Variants in KALRN observed in about 807,000 individuals in gnomAD.
KALRN encodes kalirin.
In KALRN, 70 loss-of-function variants were observed where a neutral mutation model predicts 353.7. That is an observed-to-expected ratio of 0.20 (90% confidence interval 0.16 to 0.24). The LOEUF (loss-of-function observed/expected upper bound fraction) is 0.24, where lower values mean the gene tolerates loss of function less well. Among genes scored for constraint, KALRN ranks in the 10% least tolerant of loss-of-function variants. The pLI, the probability that KALRN is intolerant of heterozygous loss-of-function variation, is 1.00. For missense variants in KALRN, 2,791 were observed against 3,756.7 expected (o/e 0.74, Z 6.72); for synonymous variants, 1,391 against 1,434.8 (o/e 0.97, Z 0.69).
At chr3:124,107,377 C>G (rs2149471438) in intron 1 of KALRN, among the ~76,000 whole-genome samples, 1 of 152,174 alleles carries the variant, frequency 6.6e-6, no homozygotes, top group East Asian at 1.9e-4. Flanking sequence ...AGGATGAACA[C>G]AGCCAAATGC....
intron 1 of KALRN, among the ~76,000 whole-genome samples, chr3:124,088,443 G>A (rs541073149): frequency 3.4e-4 from 51 of 152,158 alleles, no homozygotes; most frequent in Non-Finnish European, 5.3e-4. Flanking sequence ...CTCCTGAAGG[G>A]CAGGTAGAGA....
intron 3 of KALRN, among the ~76,000 whole-genome samples, chr3:124,243,118 T>C (rs1330629163): frequency 6.6e-6 from 1 of 152,198 alleles, no homozygotes; most frequent in Non-Finnish European, 1.5e-5. Flanking sequence ...TGCCTGTCTG[T>C]TTCTATATTG....
At chr3:124,709,572 C>T (rs1182437568) in intron 57 of KALRN, among the ~76,000 whole-genome samples, 1 of 152,194 alleles carries the variant, frequency 6.6e-6, no homozygotes, top group Admixed American at 6.5e-5. Context: ...GCCACTGCAC[C>T]TGACCTGAAA....
intron 34 of KALRN, among the ~76,000 whole-genome samples, chr3:124,586,159 T>A (rs749841457): frequency 2.6e-5 from 4 of 152,144 alleles, no homozygotes; most frequent in Non-Finnish European, 5.9e-5. Context: ...GAAGAAGGAA[T>A]GTGAGGGGCC....
intron 2 of KALRN, among the ~76,000 whole-genome samples, chr3:124,229,349 C>G (rs1418457116): frequency 1.3e-5 from 2 of 152,242 alleles, no homozygotes; most frequent in Admixed American, 1.3e-4. Flanking sequence ...GGGCTCCACT[C>G]TAGGCCTCCG....
intron 25 of KALRN, among the ~76,000 whole-genome samples, chr3:124,473,849 C>T (rs940289515): frequency 1.3e-5 from 2 of 152,120 alleles, no homozygotes; most frequent in African/African-American, 4.8e-5. Context: ...GTAGCATTTC[C>T]ACTTCTGTCA....
intron 36 of KALRN, among the ~76,000 whole-genome samples, chr3:124,636,346 G>T (rs1293579185): frequency 6.6e-6 from 1 of 152,166 alleles, no homozygotes; most frequent in East Asian, 1.9e-4. Context: ...GAAGAAGGAA[G>T]AAAAAGCCAA....
At chr3:124,612,408 G>T (rs2078097864) in intron 34 of KALRN, among the ~76,000 whole-genome samples, 1 of 152,314 alleles carries the variant, frequency 6.6e-6, no homozygotes, top group South Asian at 2.1e-4. Flanking sequence ...TCTCCATGTT[G>T]GTCAGGCTGG....
At chr3:124,207,675 G>A (rs76077184) in intron 1 of KALRN, among the ~76,000 whole-genome samples, 3,404 of 152,220 alleles carry the variant, frequency 0.022, 120 homozygotes, top group African/African-American at 0.077. Context: ...TGCATTATTT[G>A]CTTTCTCTGA....
At chr3:124,679,389 C>T in intron 50 of KALRN, 69 bp from the exon 51 acceptor site, 1 of 1,386,256 alleles carries the variant, frequency 7.2e-7, no homozygotes, top group Non-Finnish European at 1.0e-6. Flanking sequence ...TCTCCTCTCT[C>T]TCTAGCAAAA....
chr3:124,239,638 A>G (rs925075642), intron 3 of KALRN, among the ~76,000 whole-genome samples: 4 of 152,230 alleles, frequency 2.6e-5, no homozygotes, highest in African/African-American at 9.6e-5. Flanking sequence ...TTTCAGCAAA[A>G]CATAAGTTGG....
chr3:124,453,453 A>T (rs1048737178), intron 21 of KALRN, among the ~76,000 whole-genome samples: 6 of 152,114 alleles, frequency 3.9e-5, no homozygotes, highest in African/African-American at 1.4e-4. Context: ...TTTCTCCAGC[A>T]TTTCTTGGGA....
At chr3:124,135,103 A>T (rs918173760) in intron 1 of KALRN, among the ~76,000 whole-genome samples, 2 of 152,216 alleles carry the variant, frequency 1.3e-5, no homozygotes, top group Non-Finnish European at 2.9e-5. Context: ...ACAGTTCACA[A>T]TTGCAAAATT....
intron 1 of KALRN, among the ~76,000 whole-genome samples, chr3:124,104,350 A>G (rs1447458248): frequency 1.3e-5 from 2 of 152,334 alleles, no homozygotes; most frequent in South Asian, 4.1e-4. Flanking sequence ...TGGGGGAAGT[A>G]GACAATAACA....
intron 1 of KALRN, among the ~76,000 whole-genome samples, chr3:124,140,992 G>A (rs918204562): frequency 2.0e-5 from 3 of 152,144 alleles, no homozygotes; most frequent in Non-Finnish European, 2.9e-5. Context: ...CAAATTTTTT[G>A]TTGGGCTTCT....
intron 34 of KALRN, among the ~76,000 whole-genome samples, chr3:124,578,388 A>C (rs1409187508): frequency 6.6e-6 from 1 of 152,234 alleles, no homozygotes; most frequent in Non-Finnish European, 1.5e-5. Flanking sequence ...GGAAGATGAG[A>C]ATTAAGGAAC....
intron 21 of KALRN, among the ~76,000 whole-genome samples, chr3:124,454,222 T>C (rs984515779): frequency 2.6e-5 from 4 of 152,226 alleles, no homozygotes; most frequent in Admixed American, 1.3e-4. Flanking sequence ...GATCCTGGCA[T>C]GTGCCAACTT....
intron 34 of KALRN, among the ~76,000 whole-genome samples, chr3:124,609,352 A>C (rs2077683315): frequency 6.6e-6 from 1 of 152,170 alleles, no homozygotes; most frequent in African/African-American, 2.4e-5. Context: ...GTTATCAGCC[A>C]CATAAATCCC....
intron 33 of KALRN, among the ~76,000 whole-genome samples, chr3:124,509,890 A>G (rs2065688607): frequency 6.6e-6 from 1 of 152,192 alleles, no homozygotes; most frequent in African/African-American, 2.4e-5. Flanking sequence ...TACTCAACCC[A>G]AAGGATATTA....
Sources: gnomAD v4.1 joint callset for allele counts (sites outside exome capture counted in the v4.1 genomes callset) on GRCh38, gnomAD v4.1.1 for gene constraint, MANE v1.5 for transcripts, NCBI Gene and HGNC (gene_info 2026-07-23, HGNC 2026-07-21) for gene names.